Variants in NSRP1 observed in about 807,000 individuals in gnomAD.
NSRP1 encodes coiled-coil domain containing 55.
Under a neutral mutation model 54.7 loss-of-function variants are expected in NSRP1, and 24 were observed. That is an observed-to-expected ratio of 0.44 (90% CI 0.32 to 0.62). NSRP1 has a LOEUF of 0.62. NSRP1 is among the 20% of genes least tolerant of loss of function. NSRP1 has a pLI of 0.06. For synonymous variants in NSRP1, 210 were observed against 213.8 expected, an observed-to-expected ratio of 0.98 and a Z score of 0.15; for missense variants, 596 against 651.2, an observed-to-expected ratio of 0.92 and a Z score of 0.92.
At position 30,185,029 on chromosome 17, in the gene NSRP1, T is replaced by A. The variant is rs937176449; in HGVS notation, c.1032T>A (p.His344Gln). 2 of 1,613,810 alleles carry A rather than the reference T, an allele frequency of 1.2e-6. No individual in the cohort carries two copies. The highest frequency in any genetic ancestry group is 2.7e-5 in the African/African-American group (2 of 74,832). Residue 344 changes from histidine (H) to glutamine (Q), a missense_variant, in exon 7 of 7, where the codon CAT (histidine) becomes CAA (glutamine). Physicochemically the swap from His to Gln is conservative, Grantham distance 24. Coordinates refer to ENST00000247026, the MANE Select transcript of NSRP1 (RefSeq NM_032141.4). ...DRDYRKERDS[H>Q]RHREASHRDS... Reference sequence around the variant, plus strand: ...ATTACCGGAAAGAAAGGGATTCTCATAGGCACAGAGAGGCCAGTCATAGAG... The same window carrying A: ...ATTACCGGAAAGAAAGGGATTCTCAAAGGCACAGAGAGGCCAGTCATAGAG...
intron 1 of NSRP1, chr17:30,117,163 T>A: frequency 1.4e-6 from 1 of 714,218 alleles, no homozygotes; most frequent in Non-Finnish European, 2.6e-6. Flanking sequence ...TCTTGCTTCC[T>A]AACCCGCGCT....
At chr17:30,135,430 C>T (rs751829651) in intron 2 of NSRP1, among the ~76,000 whole-genome samples, 1 of 149,524 alleles carries the variant, frequency 6.7e-6, no homozygotes, top group Non-Finnish European at 1.5e-5. Context: ...TGGCGCTTAT[C>T]AGAGTTAACT....
intron 2 of NSRP1, among the ~76,000 whole-genome samples, chr17:30,153,339 T>G (rs2071931826): frequency 6.6e-6 from 1 of 152,330 alleles, no homozygotes; most frequent in Non-Finnish European, 1.5e-5. Flanking sequence ...ATTTAATAGG[T>G]TGAATTTTCT....
intron 6 of NSRP1, among the ~76,000 whole-genome samples, chr17:30,183,530 C>G (rs555886535): frequency 6.6e-6 from 1 of 152,276 alleles, no homozygotes; most frequent in East Asian, 1.9e-4. Context: ...TTCTTAGAGT[C>G]TAATAATCGA....
chr17:30,146,312 A>T (rs1295696914), intron 2 of NSRP1, among the ~76,000 whole-genome samples: 3 of 152,244 alleles, frequency 2.0e-5, no homozygotes, highest in Non-Finnish European at 4.4e-5. Context: ...TGAGATTTGT[A>T]TTAGAACTGC....
chr17:30,144,692 A>G (rs2071837374), intron 2 of NSRP1: 2 of 152,206 alleles, frequency 1.3e-5, no homozygotes, highest in East Asian at 3.8e-4. Flanking sequence ...TGGAAGTACG[A>G]CATCTCTTTT....
intron 2 of NSRP1, among the ~76,000 whole-genome samples, chr17:30,135,266 G>C (rs921110194): frequency 2.0e-5 from 3 of 151,298 alleles, no homozygotes; most frequent in African/African-American, 4.9e-5. Context: ...CTACAGGCAC[G>C]TGCCACCATG....
At chr17:30,125,927 G>T (rs1355622349) in intron 2 of NSRP1, 1 of 152,114 alleles carries the variant, frequency 6.6e-6, no homozygotes, top group Non-Finnish European at 1.5e-5. Context: ...GATGGTTGGG[G>T]GGGTGGTGAA....
At chr17:30,163,980 C>A (rs1302616347) in intron 2 of NSRP1, among the ~76,000 whole-genome samples, 8 of 151,960 alleles carry the variant, frequency 5.3e-5, no homozygotes, top group Non-Finnish European at 1.2e-4. Context: ...GCCACCGTAC[C>A]CGGCCAATGA....
At chr17:30,179,498 T>C (rs1052939567) in intron 5 of NSRP1, among the ~76,000 whole-genome samples, 2 of 152,238 alleles carry the variant, frequency 1.3e-5, no homozygotes, top group Non-Finnish European at 1.5e-5. Flanking sequence ...ACAGTTGAAC[T>C]CTTCAGTAAC....
intron 2 of NSRP1, among the ~76,000 whole-genome samples, chr17:30,119,606 G>A (rs554104767): frequency 2.6e-5 from 4 of 152,074 alleles, no homozygotes; most frequent in South Asian, 2.1e-4. Flanking sequence ...GGGTTCAAGC[G>A]TTTCTCCTGC....
chr17:30,182,502 C>T (rs1381423186), intron 6 of NSRP1, among the ~76,000 whole-genome samples: 2 of 151,500 alleles, frequency 1.3e-5, no homozygotes, highest in South Asian at 4.2e-4. Context: ...ATTAGCTCGG[C>T]ATTGTGGCAC....
At chr17:30,117,759 GTTT>G (rs79120191) in intron 1 of NSRP1, among the ~76,000 whole-genome samples, 2 of 115,110 alleles carry the variant, frequency 1.7e-5, no homozygotes, top group Admixed American at 8.2e-5. Flanking sequence ...CACTACACAT[GTTT>G]TTTTTTTTTT....
In NSRP1 at chr17:30,180,264, C is replaced by A. The variant is rs188606393; in HGVS notation, c.509-644C>A. 1.0e-3 allele frequency among the ~76,000 whole-genome samples: 152 copies of A among 152,314 alleles called. 2 individuals are homozygous for A. The Middle Eastern group carries it at 0.01, about 10-fold the overall frequency. On this transcript the variant is annotated intron_variant, in intron 5 of 6. Coordinates refer to ENST00000247026, the MANE Select transcript of NSRP1 (RefSeq NM_032141.4). ...CTCTGCCTCCCAAGTTCAAGTGATTCTTATGCCTCAGGCTCCCAAGTAGCT... is the reference window on the plus strand; with the variant it reads ...CTCTGCCTCCCAAGTTCAAGTGATTATTATGCCTCAGGCTCCCAAGTAGCT...
intron 1 of NSRP1, 22 bp from the exon 2 acceptor site, chr17:30,118,058 A>G (rs370436936): frequency 2.5e-5 from 40 of 1,588,562 alleles, no homozygotes; most frequent in Non-Finnish European, 3.2e-5. Context: ...TTTAATTTCT[A>G]TTTCAAAAAA....
At chr17:30,181,404 T>C (rs906886898) in intron 6 of NSRP1, among the ~76,000 whole-genome samples, 9 of 148,656 alleles carry the variant, frequency 6.1e-5, no homozygotes, top group Non-Finnish European at 1.2e-4. Flanking sequence ...TTTTCTTTTT[T>C]TTTTTTTTTT....
intron 2 of NSRP1, chr17:30,163,071 G>A (rs1904579360): frequency 6.6e-6 from 1 of 151,834 alleles, no homozygotes; most frequent in Non-Finnish European, 1.5e-5. Context: ...TTTTAGTAGA[G>A]ACGGGGCTTC....
At chr17:30,117,472 G>C (rs1597588857) in intron 1 of NSRP1, 2 of 423,212 alleles carry the variant, frequency 4.7e-6, no homozygotes, top group Non-Finnish European at 8.4e-6. Context: ...GCCAAAACGT[G>C]AGAAACTAAA....
chr17:30,151,935 A>G (rs1401536280), intron 2 of NSRP1, among the ~76,000 whole-genome samples: 1 of 151,308 alleles, frequency 6.6e-6, no homozygotes, highest in South Asian at 2.1e-4. Context: ...ACGCCCGGGT[A>G]ATTTTGTATT....
Sources: gnomAD v4.1 joint callset for allele counts (sites outside exome capture counted in the v4.1 genomes callset) on GRCh38, gnomAD v4.1.1 for gene constraint, MANE v1.5 for transcripts, NCBI Gene and HGNC (gene_info 2026-07-23, HGNC 2026-07-21) for gene names.